NRXN1: variants seen among roughly 807,000 people sequenced by gnomAD.
The protein encoded by NRXN1 is neurexin-1.
NRXN1 carries 39 observed loss-of-function variants against 150.9 expected under a neutral mutation model. That is an observed-to-expected ratio of 0.26 (90% CI 0.20 to 0.34). The LOEUF (loss-of-function observed/expected upper bound fraction) is 0.34. Ranked by LOEUF, NRXN1 falls within the 10% of genes least tolerant of loss-of-function variation. NRXN1 has a pLI of 1.00. For missense variants in NRXN1, 1,815 were observed against 1,949.9 expected (o/e 0.93, Z 1.30); for synonymous variants, 924 against 757.0 (o/e 1.22, Z -3.62).
intron 17 of NRXN1, among the ~76,000 whole-genome samples, chr2:50,303,240 C>T (rs2074324079): frequency 6.6e-6 from 1 of 152,154 alleles, no homozygotes; most frequent in Non-Finnish European, 1.5e-5. Flanking sequence ...GTTCACTCCA[C>T]ACTTAAATTT....
intron 18 of NRXN1, among the ~76,000 whole-genome samples, chr2:50,125,239 G>A (rs1704398834): frequency 6.6e-6 from 1 of 152,086 alleles, no homozygotes; most frequent in Non-Finnish European, 1.5e-5. Flanking sequence ...AAATCACAAT[G>A]TTACTTCTCA....
chr2:49,998,794 G>A (rs192681159), intron 21 of NRXN1, among the ~76,000 whole-genome samples: 310 of 152,224 alleles, frequency 2.0e-3, no homozygotes, highest in African/African-American at 6.5e-3. Flanking sequence ...ACGAAGTAGT[G>A]TAGGTGCTTT....
At chr2:50,287,087 A>T (rs1182431599) in intron 17 of NRXN1, among the ~76,000 whole-genome samples, 1 of 152,092 alleles carries the variant, frequency 6.6e-6, no homozygotes, top group Non-Finnish European at 1.5e-5. Context: ...TTACTTCCCT[A>T]CATGACTTAA....
intron 21 of NRXN1, among the ~76,000 whole-genome samples, chr2:49,985,812 G>T (rs1001634084): frequency 2.6e-5 from 4 of 151,966 alleles, no homozygotes; most frequent in African/African-American, 4.8e-5. Context: ...TACATTGCTT[G>T]ATATTTACAA....
At chr2:50,394,940 C>A (rs1028895212) in intron 17 of NRXN1, among the ~76,000 whole-genome samples, 3 of 152,036 alleles carry the variant, frequency 2.0e-5, no homozygotes, top group Non-Finnish European at 4.4e-5. Context: ...TTCACCAAGA[C>A]AGTCACATGA....
At chr2:50,794,657 T>C (rs1211021645) in intron 5 of NRXN1, among the ~76,000 whole-genome samples, 1 of 152,172 alleles carries the variant, frequency 6.6e-6, no homozygotes, top group African/African-American at 2.4e-5. Flanking sequence ...AACAGCAGCA[T>C]GAAAATGTGA....
At chr2:50,237,687 G>A (rs1427708687) in intron 17 of NRXN1, among the ~76,000 whole-genome samples, 1 of 151,932 alleles carries the variant, frequency 6.6e-6, no homozygotes, top group African/African-American at 2.4e-5. Context: ...CATTCTGTGA[G>A]TGTTCAAATT....
At chr2:50,432,655 T>C (rs1020732827) in intron 17 of NRXN1, among the ~76,000 whole-genome samples, 2 of 152,200 alleles carry the variant, frequency 1.3e-5, no homozygotes, top group African/African-American at 4.8e-5. Context: ...GTTTTTATCC[T>C]TCTCTCCCTG....
At chr2:50,022,650 ATAG>A (rs1192196057) in intron 21 of NRXN1, 2 of 152,268 alleles carry the variant, frequency 1.3e-5, no homozygotes, top group Non-Finnish European at 2.9e-5. Flanking sequence ...AGATGCAAGA[ATAG>A]TATGTTTGAT....
At chr2:50,735,531 C>T (rs562497656) in intron 5 of NRXN1, among the ~76,000 whole-genome samples, 13 of 152,166 alleles carry the variant, frequency 8.5e-5, no homozygotes, top group African/African-American at 3.1e-4. Flanking sequence ...AAAATATGAG[C>T]TCAGAATATA....
At chr2:50,779,482 T>C (rs935612993) in intron 5 of NRXN1, among the ~76,000 whole-genome samples, 5 of 152,260 alleles carry the variant, frequency 3.3e-5, no homozygotes, top group Non-Finnish European at 5.9e-5. Context: ...AATAAAAATA[T>C]GTGTGGCAGG....
At position 50,319,637 on chromosome 2, in the gene NRXN1, G is replaced by C. The variant is rs542891319; in HGVS notation, c.3365-82667C>G. Among the ~76,000 whole-genome samples, 6 of 152,148 alleles carry C rather than the reference G, an allele frequency of 3.9e-5. No individual in the cohort carries two copies. The East Asian group carries it at 1.2e-3, about 29-fold the overall frequency. ...ATTCCAGGCATTCATTAGCTCTCAT[G>C]GAAGCACCTGTGTGGAGAAAACTAT... On this transcript the variant is annotated intron_variant, in intron 17 of 22. Transcript: ENST00000401669.
Position 50,118,458 on chromosome 2 carries a change from T to C in NRXN1, c.3547-26964A>G, listed in dbSNP as rs574119542. Among the ~76,000 whole-genome samples, 17 of 152,174 alleles carry C rather than the reference T, an allele frequency of 1.1e-4. No individual in the cohort carries two copies. In the South Asian group the frequency reaches 3.5e-3, roughly 32 times the overall value. On this transcript the variant is annotated intron_variant, in intron 18 of 22. Coordinates refer to ENST00000401669, the MANE Select transcript of NRXN1 (RefSeq NM_001330078.2). ...CCTGGTTTCATAAGTGTTTTCTTTT[T>C]TTTTTCTTTAGACAAAATTGGAATA...
rs561432019 is a variant in NRXN1 at position 50,023,979 on chromosome 2, A to G, written c.4128+29292T>C. 2.6e-5 allele frequency: 4 copies of G among 152,242 alleles called. No individual in the cohort carries two copies. In the South Asian group the frequency reaches 6.2e-4, roughly 24 times the overall value. 9.4% of individuals were successfully genotyped at this position (152,242 alleles called of 1,614,324 possible). On this transcript the variant is annotated intron_variant, in intron 21 of 22. Transcript: ENST00000401669. Reference sequence around the variant, plus strand: ...CAATTTTCATAGCACCCCAGGCATTAGGTGTTTTTATTCCTATTTTACAGA... The same window carrying G: ...CAATTTTCATAGCACCCCAGGCATTGGGTGTTTTTATTCCTATTTTACAGA...
chr2:50,471,565 T>C (rs1362971679), intron 16 of NRXN1, among the ~76,000 whole-genome samples: 1 of 151,870 alleles, frequency 6.6e-6, no homozygotes, highest in Non-Finnish European at 1.5e-5. Flanking sequence ...GTGATAAATA[T>C]ATGTTTGCAG....
At chr2:49,935,230 C>G (rs1233514439) in intron 22 of NRXN1, among the ~76,000 whole-genome samples, 1 of 152,302 alleles carries the variant, frequency 6.6e-6, no homozygotes, top group South Asian at 2.1e-4. Context: ...AAGCTGAGTA[C>G]ACAGAGATTC....
At chr2:50,058,096 T>C (rs1003079819) in intron 19 of NRXN1, among the ~76,000 whole-genome samples, 3 of 152,190 alleles carry the variant, frequency 2.0e-5, no homozygotes, top group African/African-American at 7.2e-5. Context: ...ATAGAATTTG[T>C]CCTCAAACAT....
chr2:50,682,017 C>G (rs1156255536), intron 5 of NRXN1, among the ~76,000 whole-genome samples: 3 of 152,112 alleles, frequency 2.0e-5, no homozygotes, highest in African/African-American at 7.2e-5. Context: ...TGAGATGGTA[C>G]AGAAAACATA....
At position 50,070,483 on chromosome 2, in the gene NRXN1, T is replaced by C. The variant is rs1234895551; in HGVS notation, c.3719-15439A>G. ...TGTCAGGGGCTGACTTAAAAACCTG[T>C]AAGTGGGCCAGACACGGTGGCTCAC... On this transcript the variant is annotated intron_variant, in intron 19 of 22. Coordinates refer to ENST00000401669, the MANE Select transcript of NRXN1 (RefSeq NM_001330078.2). Among the ~76,000 whole-genome samples the C allele has an allele frequency of 7.9e-5, 12 of 151,976 alleles. No homozygotes were observed. In the East Asian group the frequency reaches 2.3e-3, roughly 30 times the overall value.
Sources: allele counts gnomAD v4.1 joint callset (sites outside exome capture counted in the v4.1 genomes callset), GRCh38; gene constraint gnomAD v4.1.1; transcripts MANE v1.5; gene names NCBI Gene and HGNC (gene_info 2026-07-23, HGNC 2026-07-21).